The following NOS3 variants were observed in gnomAD, a reference collection of about 807,000 sequenced individuals.
NOS3 encodes nitric oxide synthase 3, also known as NOS type III.
A neutral mutation model predicts 144.9 loss-of-function variants in NOS3; 98 were observed. The ratio of observed to expected loss-of-function variants is 0.68; its 90% CI spans 0.57 to 0.80. The LOEUF is 0.80. Among genes scored for constraint, NOS3 ranks in the 30% least tolerant of loss-of-function variants. NOS3 has a pLI of 0.00. For synonymous variants in NOS3, 714 were observed against 702.4 expected (o/e 1.02, Z -0.26); for missense variants, 1,465 against 1,656.4 (o/e 0.88, Z 2.01).
intron 14 of NOS3, 50 bp from the exon 15 acceptor site, chr7:151,006,377 A>T: frequency 7.7e-7 from 1 of 1,302,146 alleles, no homozygotes; most frequent in Non-Finnish European, 1.1e-6. Flanking sequence ...ACTTCTATGT[A>T]GTTTGAAATG....
chr7:151,014,108 A>G lies in NOS3; in HGVS notation c.3551A>G (p.Gln1184Arg), dbSNP rs760123467. 4.3e-6 allele frequency: 7 copies of G among 1,613,532 alleles called. No individual in the cohort carries two copies. The Admixed American group carries it at 8.3e-5, about 19-fold the overall frequency. Residue 1184 changes from glutamine to arginine, a missense_variant, in exon 27 of 27, where the codon CAG becomes CGG. By Grantham distance (43) the Gln-to-Arg change is conservative (BLOSUM62 1). Around this residue, in one of 5 missense-constraint regions of NOS3, gnomAD observed 228 missense variants for 227.7 expected, o/e 1.00. Transcript: ENST00000297494. ...CAGAGCTTTTCCTTGCAGGAGCGTC[A>G]GTTGCGGGGCGCAGTGCCCTGGGCG... ...RTQSFSLQERQLRGAVPWAFD... is the reference protein window; with the variant it reads ...RTQSFSLQERRLRGAVPWAFD...
chr7:150,992,896 G>A (rs1480119195), intron 1 of NOS3, among the ~76,000 whole-genome samples: 1 of 152,168 alleles, frequency 6.6e-6, no homozygotes, highest in Non-Finnish European at 1.5e-5. Context: ...GGCCTGAAGT[G>A]CCTGGAGAGT....
intron 2 of NOS3, 54 bp downstream of exon 2, chr7:150,994,015 G>A: frequency 6.6e-7 from 1 of 1,513,456 alleles, no homozygotes; most frequent in South Asian, 1.2e-5. Flanking sequence ...GTCAAGGCCT[G>A]AAGCCTGGGG....
chr7:151,014,503 C>A lies in NOS3; in HGVS notation c.*334C>A. ...GTATCTTACCTGTAAAGTCTAATCTCTAAATCAAGTATTTATTATTGAAGA... is the reference window on the plus strand; with the variant it reads ...GTATCTTACCTGTAAAGTCTAATCTATAAATCAAGTATTTATTATTGAAGA... On this transcript the variant is annotated 3_prime_UTR_variant, in exon 27 of 27. Coordinates refer to ENST00000297494, the MANE Select transcript of NOS3 (RefSeq NM_000603.5). 1 of 310,214 alleles carries A rather than the reference C, an allele frequency of 3.2e-6. No individual in the cohort carries two copies. Among genetic ancestry groups the A allele is most frequent in the Non-Finnish European group, 5.9e-6 (1 of 168,800 alleles). The allele number at this position is 310,214 out of a possible 1,614,324, so 19.2% of individuals were successfully genotyped here.
chr7:151,002,166 A>C lies in NOS3; in HGVS notation c.1648-34A>C, dbSNP rs1416701747. The C allele has an allele frequency of 6.8e-7, 1 of 1,481,152 alleles. No individual in the cohort carries two copies. The highest frequency in any genetic ancestry group is 1.2e-5 in the South Asian group (1 of 84,658). The allele number at this position is 1,481,152 out of a possible 1,614,324, so 91.8% of individuals were successfully genotyped here. On this transcript the variant is annotated intron_variant, in intron 13 of 26. Transcript: ENST00000297494. The surrounding 1 kb of genome is among the most constrained non-coding windows in gnomAD (Gnocchi z 4.1). Reference sequence around the variant, plus strand: ...GAGGAGGGCAGGGCCTCCGGGGGCCACAGCACCCAGGACATCTGTCTTCCC... The same window carrying C: ...GAGGAGGGCAGGGCCTCCGGGGGCCCCAGCACCCAGGACATCTGTCTTCCC...
In NOS3 at chr7:151,003,504, T is replaced by C; in HGVS notation, c.1752+1200T>C. ...GTCCGTTTCAGCCCTCATTCTGACC[T>C]ACCTTTTCAAGAAAAATAGCACCAG... is the stretch of plus-strand genomic sequence containing the variant. On this transcript the variant is annotated intron_variant, in intron 14 of 26. Coordinates refer to ENST00000297494, the MANE Select transcript of NOS3 (RefSeq NM_000603.5). This position sits in a 1 kb window ranked among gnomAD's most constrained non-coding sequence, Gnocchi z 4.1. 8.0e-7 allele frequency: 1 copy of C among 1,252,928 alleles called. No homozygotes were observed. The highest frequency in any genetic ancestry group is 1.0e-6 in the Non-Finnish European group (1 of 963,764). The allele number at this position is 1,252,928 out of a possible 1,614,324, so 77.6% of individuals were successfully genotyped here.
Position 151,014,055 on chromosome 7 carries a change from C to A in NOS3, c.3498C>A (p.Thr1166=), listed in dbSNP as rs143054141. ...HEDIFGLTLR[T]QEVTSRIRTQ... is the part of the protein sequence containing the mutation. ...ACATTTTCGGGCTCACGCTGCGCAC[C>A]CAGGAGGTGACAAGCCGCATACGCA... The change falls in exon 27 of 27, where the codon ACC becomes ACA. Residue 1166 remains threonine, a synonymous_variant. Coordinates refer to ENST00000297494, the MANE Select transcript of NOS3 (RefSeq NM_000603.5). 2.8e-4 allele frequency: 448 copies of A among 1,613,744 alleles called. 1 individual carries two copies. The African/African-American group carries it at 5.1e-3, about 18-fold the overall frequency.
At chr7:151,008,417 G>A (rs1407072552) in intron 17 of NOS3, among the ~76,000 whole-genome samples, 4 of 152,204 alleles carry the variant, frequency 2.6e-5, no homozygotes, top group African/African-American at 9.7e-5. Flanking sequence ...CCCTCCCAGG[G>A]ATCTGCCCCG....
rs770846565 is a variant in NOS3 at position 151,014,147 on chromosome 7, G to A, written c.3590G>A (p.Gly1197Asp). The change falls in exon 27 of 27, where the codon GGC becomes GAC. Residue 1197 changes from glycine to aspartate, a missense_variant. Coordinates refer to ENST00000297494, the MANE Select transcript of NOS3 (RefSeq NM_000603.5). ...GAVPWAFDPP[G>D]SDTNSP ...GTGCCCTGGGCGTTCGACCCTCCCG[G>A]CTCAGACACCAACAGCCCCTGAGAG... 6 of 1,608,492 alleles carry A rather than the reference G, an allele frequency of 3.7e-6. No homozygotes were observed. Among genetic ancestry groups the A allele is most frequent in the Non-Finnish European group, 5.1e-6 (6 of 1,176,494 alleles).
In NOS3 at chr7:151,001,821, C is replaced by T. The variant is rs370911240; in HGVS notation, c.1503C>T (p.Asn501=). The change falls in exon 13 of 27, where the codon AAC becomes AAT. Residue 501 remains asparagine (N), a splice_region_variant and synonymous_variant. Transcript: ENST00000297494. ...ACCCTCACACCTTCCTCTCCCGCAG[C>T]GCCGTGAAGATCTCCGCCTCGCTCA... ...TRKKTFKEVA[N]AVKISASLMG... is the part of the protein sequence containing the mutation. 6.8e-6 allele frequency: 11 copies of T among 1,613,680 alleles called. No homozygotes were observed. The highest frequency in any genetic ancestry group is 3.3e-5 in the Admixed American group (2 of 60,030).
chr7:151,003,378 G>A lies in NOS3; in HGVS notation c.1752+1074G>A, dbSNP rs1009836340. The A allele has an allele frequency of 4.6e-5, 55 of 1,194,034 alleles. No homozygotes were observed. Among genetic ancestry groups the A allele is most frequent in the African/African-American group, 3.6e-4 (23 of 63,760 alleles). The allele number at this position is 1,194,034 out of a possible 1,614,324, so 74.0% of individuals were successfully genotyped here. A position where few individuals can be genotyped will look rare whatever the true frequency, so the allele number is the denominator to read the frequency against. ...TGGGTTCAAGCAATCCACCTGCCTCGGCCTCCCAAAGTGCTGCGATTATAG... is the reference window on the plus strand; with the variant it reads ...TGGGTTCAAGCAATCCACCTGCCTCAGCCTCCCAAAGTGCTGCGATTATAG... On this transcript the variant is annotated intron_variant, in intron 14 of 26. Transcript: ENST00000297494. The surrounding 1 kb of genome is among the most constrained non-coding windows in gnomAD (Gnocchi z 4.1).
Position 150,993,995 on chromosome 7 carries a change from C to T in NOS3, c.158+34C>T. 1.3e-6 allele frequency: 2 copies of T among 1,538,372 alleles called. No homozygotes were observed. The highest frequency in any genetic ancestry group is 1.7e-6 in the Non-Finnish European group (2 of 1,147,190). ...CAGGCAGCTAGGAGCAGGTGGGCAACAAGGGTGGTGTCAAGGCCTGAAGCC... is the reference window on the plus strand; with the variant it reads ...CAGGCAGCTAGGAGCAGGTGGGCAATAAGGGTGGTGTCAAGGCCTGAAGCC... On this transcript the variant is annotated intron_variant, in intron 2 of 26. Transcript: ENST00000297494. The surrounding 1 kb of genome is among the most constrained non-coding windows in gnomAD (Gnocchi z 4.0).
At chr7:151,012,306 A>G in intron 23 of NOS3, 45 bp from the exon 24 acceptor site, 1 of 1,465,638 alleles carries the variant, frequency 6.8e-7, no homozygotes. Flanking sequence ...AGAATGGTGG[A>G]GCAGGAAAGG....
intron 13 of NOS3, 30 bp downstream of exon 13, chr7:151,001,995 T>C (rs1413228569): frequency 8.1e-6 from 13 of 1,610,886 alleles, no homozygotes; most frequent in Non-Finnish European, 1.1e-5. Context: ...AGCAGGGAGC[T>C]AGAAAGAGGG....
In NOS3 at chr7:150,998,330, C is replaced by T. The variant is rs775777979; in HGVS notation, c.583-27C>T. On this transcript the variant is annotated intron_variant, in intron 5 of 26. Transcript: ENST00000297494. The surrounding 1 kb of genome is among the most constrained non-coding windows in gnomAD (Gnocchi z 5.0). ...GACCCCCCGTCTCTCTCCTCACCCTCCTCTCCCGCTGCCTCGGCTGGCTCA... is the reference window on the plus strand; with the variant it reads ...GACCCCCCGTCTCTCTCCTCACCCTTCTCTCCCGCTGCCTCGGCTGGCTCA... 12 of 1,603,160 alleles carry T rather than the reference C, an allele frequency of 7.5e-6. No homozygotes were observed. In the South Asian group the frequency reaches 1.2e-4, roughly 16 times the overall value.
chr7:150,996,902 C>T lies in NOS3; in HGVS notation c.559C>T (p.Arg187Trp), dbSNP rs1249876232. 6.3e-6 allele frequency: 10 copies of T among 1,577,494 alleles called. No homozygotes were observed. The highest frequency in any genetic ancestry group is 1.2e-5 in the South Asian group (1 of 86,286). ...AWRNAPRCVG[R>W]IQWGKLQVFD... ...GCGCAACGCTCCCCGCTGCGTGGGCCGGATCCAGTGGGGGAAGCTGCAGGT... is the reference window on the plus strand; with the variant it reads ...GCGCAACGCTCCCCGCTGCGTGGGCTGGATCCAGTGGGGGAAGCTGCAGGT... The change falls in exon 5 of 27, where the codon CGG becomes TGG. Residue 187 changes from arginine to tryptophan, a missense_variant. By Grantham distance (101) the Arg-to-Trp change is moderately radical. Around this residue, in one of 5 missense-constraint regions of NOS3, gnomAD observed 374 missense variants for 377.0 expected, o/e 0.99. Transcript: ENST00000297494.
rs983845292 is a variant in NOS3, at chr7:151,003,453, C to T, written c.1752+1149C>T. 31 of 1,217,474 alleles carry T rather than the reference C, an allele frequency of 2.5e-5. No homozygotes were observed. The highest frequency in any genetic ancestry group is 2.2e-4 in the South Asian group (15 of 67,680). The allele number at this position is 1,217,474 out of a possible 1,614,324, so 75.4% of individuals were successfully genotyped here. Reference sequence around the variant, plus strand: ...CAGTATCTTAAGCAAGTTGGAATCTCGTGAAACCCTTTTTGCTGCCTTAGT... The same window carrying T: ...CAGTATCTTAAGCAAGTTGGAATCTTGTGAAACCCTTTTTGCTGCCTTAGT... On this transcript the variant is annotated intron_variant, in intron 14 of 26. Coordinates refer to ENST00000297494, the MANE Select transcript of NOS3 (RefSeq NM_000603.5). This position sits in a 1 kb window ranked among gnomAD's most constrained non-coding sequence, Gnocchi z 4.1.
At chr7:151,008,727 C>A in intron 17 of NOS3, 1 of 572,564 alleles carries the variant, frequency 1.7e-6, no homozygotes, top group Non-Finnish European at 3.0e-6. Context: ...TCAGGACGTG[C>A]AGAGAAAGAG....
chr7:151,011,415 T>C (rs894633348), intron 23 of NOS3, among the ~76,000 whole-genome samples: 17 of 150,050 alleles, frequency 1.1e-4, no homozygotes, highest in Non-Finnish European at 1.0e-4. Flanking sequence ...AAGGTTTTGG[T>C]TTTTTTTTCC....
Sources: allele counts gnomAD v4.1 joint callset (sites outside exome capture counted in the v4.1 genomes callset), GRCh38; gene constraint gnomAD v4.1.1; regional missense constraint gnomAD v4.1.1; non-coding constraint Gnocchi (gnomAD v3.1); transcripts MANE v1.5; gene names NCBI Gene and HGNC (gene_info 2026-07-23, HGNC 2026-07-21).